The following SBF2 variants were observed in gnomAD, a reference collection of about 807,000 sequenced individuals.
SBF2 encodes the protein SET binding factor 2.
SBF2 carries 112 observed loss-of-function variants against 225.2 expected under a neutral mutation model. The ratio of observed to expected loss-of-function variants is 0.50; its 90% CI spans 0.43 to 0.58. The LOEUF (loss-of-function observed/expected upper bound fraction) is 0.58. Among genes scored for constraint, SBF2 ranks in the 20% least tolerant of loss-of-function variants. SBF2 has a pLI of 0.00. For missense variants in SBF2, 1,996 were observed against 2,206.2 expected (o/e 0.90, Z 1.91); for synonymous variants, 763 against 773.3 (o/e 0.99, Z 0.22).
At chr11:9,998,191 A>G in intron 9 of SBF2, 75 bp downstream of exon 9, 3 of 887,774 alleles carry the variant, frequency 3.4e-6, no homozygotes, top group Non-Finnish European at 5.6e-6. Flanking sequence ...TGCATTGACA[A>G]ACATTTTTAA....
chr11:10,178,597 T>C (rs1169085343), intron 2 of SBF2, among the ~76,000 whole-genome samples: 110 of 147,936 alleles, frequency 7.4e-4, no homozygotes, highest in African/African-American at 2.4e-3. Flanking sequence ...GAAAAAATGC[T>C]CACCATCACT....
chr11:9,833,498 G>A (rs1049285591), intron 26 of SBF2, among the ~76,000 whole-genome samples: 1 of 145,350 alleles, frequency 6.9e-6, no homozygotes, highest in Non-Finnish European at 1.5e-5. Context: ...TCGGCCCATT[G>A]CAAGCTCCGC....
chr11:10,016,987 A>G (rs977336645), intron 6 of SBF2: 2 of 152,214 alleles, frequency 1.3e-5, no homozygotes, highest in African/African-American at 4.8e-5. Flanking sequence ...AAGCTGCACA[A>G]TAACACGGGA....
intron 1 of SBF2, among the ~76,000 whole-genome samples, chr11:10,215,854 T>A (rs1400484575): frequency 6.6e-6 from 1 of 152,252 alleles, no homozygotes; most frequent in South Asian, 2.1e-4. Context: ...GGATAATGAC[T>A]GAATTTCCAT....
chr11:9,809,238 G>A, intron 30 of SBF2: 1 of 440,904 alleles, frequency 2.3e-6, no homozygotes, highest in South Asian at 2.3e-5. Flanking sequence ...GGCCGAGCCG[G>A]GCAGGTCATT....
intron 2 of SBF2, among the ~76,000 whole-genome samples, chr11:10,092,239 C>T (rs1273085193): frequency 6.6e-6 from 1 of 152,018 alleles, no homozygotes; most frequent in Non-Finnish European, 1.5e-5. Flanking sequence ...TAGAAAGATC[C>T]ATCATTTGGC....
intron 13 of SBF2, among the ~76,000 whole-genome samples, chr11:9,983,079 T>G (rs959191669): frequency 1.3e-5 from 2 of 151,094 alleles, no homozygotes; most frequent in Non-Finnish European, 2.9e-5. Flanking sequence ...GCCCCGGGGG[T>G]GGTGGGGGCT....
intron 17 of SBF2, among the ~76,000 whole-genome samples, chr11:9,859,015 G>C (rs1274055714): frequency 6.6e-6 from 1 of 152,164 alleles, no homozygotes; most frequent in African/African-American, 2.4e-5. Context: ...TTTGTGCAGG[G>C]AAAGATAAAC....
At chr11:10,136,009 C>T (rs577360485) in intron 2 of SBF2, among the ~76,000 whole-genome samples, 3 of 152,214 alleles carry the variant, frequency 2.0e-5, no homozygotes, top group Admixed American at 2.0e-4. Context: ...AAAAGAAAGG[C>T]GTTTAATAGA....
intron 2 of SBF2, among the ~76,000 whole-genome samples, chr11:10,053,909 G>C (rs1950155224): frequency 6.6e-6 from 1 of 151,494 alleles, no homozygotes; most frequent in Non-Finnish European, 1.5e-5. Flanking sequence ...GACAGAGTGA[G>C]ATTCTGTTCT....
At chr11:10,231,332 T>C (rs542823279) in intron 1 of SBF2, among the ~76,000 whole-genome samples, 1 of 152,322 alleles carries the variant, frequency 6.6e-6, no homozygotes, top group East Asian at 1.9e-4. Flanking sequence ...TCCGTCCAGC[T>C]GTGTTCCGTT....
intron 16 of SBF2, among the ~76,000 whole-genome samples, chr11:9,908,588 C>T (rs1433993141): frequency 6.6e-6 from 1 of 152,212 alleles, no homozygotes. Flanking sequence ...GATCACGCTA[C>T]TGCACTCCAG....
intron 1 of SBF2, among the ~76,000 whole-genome samples, chr11:10,218,332 ACCC>A (rs1565366180): frequency 6.9e-5 from 1 of 14,460 alleles, no homozygotes; most frequent in Non-Finnish European, 1.5e-4. Flanking sequence ...CCCCCCCCCC[ACCC>A]AATGATTCAA....
intron 16 of SBF2, among the ~76,000 whole-genome samples, chr11:9,923,262 G>A (rs1863772899): frequency 6.6e-6 from 1 of 151,894 alleles, no homozygotes; most frequent in African/African-American, 2.4e-5. Flanking sequence ...ATTGGACTCT[G>A]CAAGTGACGA....
chr11:10,100,065 A>G lies in SBF2; in HGVS notation c.142-57084T>C, dbSNP rs189192480. ...ATAAAAAGACAAAGTGGGTGAATCA[A>G]TAATAAAACAAGACCCAACTATATG... On this transcript the variant is annotated intron_variant, in intron 2 of 39. Coordinates refer to ENST00000256190, the MANE Select transcript of SBF2 (RefSeq NM_030962.4). Among the ~76,000 whole-genome samples the G allele has an allele frequency of 1.8e-4, 28 of 152,372 alleles. No individual in the cohort carries two copies. The East Asian group carries it at 1.9e-3, about 10-fold the overall frequency.
chr11:10,239,213 A>G (rs1337226585), intron 1 of SBF2, among the ~76,000 whole-genome samples: 1 of 150,688 alleles, frequency 6.6e-6, no homozygotes, highest in African/African-American at 2.4e-5. Context: ...AATTTTTACC[A>G]AAATTCAATT....
chr11:10,145,652 A>G (rs1316507143), intron 2 of SBF2, among the ~76,000 whole-genome samples: 2 of 152,178 alleles, frequency 1.3e-5, no homozygotes, highest in East Asian at 3.8e-4. Flanking sequence ...GACTTAATAT[A>G]ACCTTCCATT....
intron 2 of SBF2, among the ~76,000 whole-genome samples, chr11:10,058,005 A>G (rs1368598740): frequency 6.6e-6 from 1 of 151,040 alleles, no homozygotes; most frequent in African/African-American, 2.4e-5. Flanking sequence ...AAAGAAGTCT[A>G]TTGAGTGTAC....
chr11:9,914,750 T>C (rs1862930764), intron 16 of SBF2, among the ~76,000 whole-genome samples: 1 of 151,768 alleles, frequency 6.6e-6, no homozygotes, highest in African/African-American at 2.4e-5. Flanking sequence ...AATGAAAAAA[T>C]AAGCCACAGA....
Sources: gnomAD v4.1 joint callset for allele counts (sites outside exome capture counted in the v4.1 genomes callset) on GRCh38, gnomAD v4.1.1 for gene constraint, MANE v1.5 for transcripts, NCBI Gene and HGNC (gene_info 2026-07-23, HGNC 2026-07-21) for gene names.